Variants in MEAK7 observed in about 807,000 individuals in gnomAD.
MEAK7 encodes the protein MTOR associated protein MEAK7.
MEAK7 carries 68 observed loss-of-function variants against 40.5 expected under a neutral mutation model. The observed-to-expected ratio is 1.68, with a 90% CI of 1.38 to 2.06. MEAK7 has a LOEUF of 2.06. Ranked by LOEUF, MEAK7 falls within the 30% of genes most tolerant of loss-of-function variation. MEAK7 has a pLI of 0.00. For missense variants in MEAK7, 918 were observed against 580.5 expected (o/e 1.58, Z -5.98); for synonymous variants, 338 against 231.9 (o/e 1.46, Z -4.16).
rs980808349 is a variant in MEAK7 at position 84,504,605 on chromosome 16, C to T, written c.-30G>A. The T allele has an allele frequency of 5.1e-6, 5 of 985,590 alleles. No homozygotes were observed. Among genetic ancestry groups the T allele is most frequent in the African/African-American group, 1.7e-5 (1 of 57,258 alleles). The allele number at this position is 985,590 out of a possible 1,614,324, so 61.1% of individuals were successfully genotyped here. ...AACCTCAGCCCAGGTACCTACCCTG[C>T]CGGGCTTCCTGGTGCTGTCCGGTCC... On this transcript the variant is annotated 5_prime_UTR_variant, in exon 1 of 8. Transcript: ENST00000343629.
At chr16:84,498,835 T>C (rs1347938537) in intron 1 of MEAK7, among the ~76,000 whole-genome samples, 1 of 152,212 alleles carries the variant, frequency 6.6e-6, no homozygotes, top group African/African-American at 2.4e-5. Context: ...TAAACTCACC[T>C]TGAGAATACT....
intron 1 of MEAK7, among the ~76,000 whole-genome samples, chr16:84,499,544 A>T (rs1914330752): frequency 1.3e-5 from 2 of 152,174 alleles, no homozygotes; most frequent in Non-Finnish European, 2.9e-5. Context: ...ACATAAAATT[A>T]ACCATTTTAA....
chr16:84,504,068 A>G (rs1597981153), intron 1 of MEAK7: 1 of 985,576 alleles, frequency 1.0e-6, no homozygotes, highest in East Asian at 1.1e-4. Flanking sequence ...AGCCTGGGCA[A>G]GAAGTTCCTG....
At chr16:84,483,388 GCGA>G (rs1281028486) in intron 5 of MEAK7, among the ~76,000 whole-genome samples, 3 of 152,236 alleles carry the variant, frequency 2.0e-5, no homozygotes, top group Non-Finnish European at 4.4e-5. Context: ...GGAGCTCCCA[GCGA>G]GGGACACTTC....
chr16:84,497,463 A>C, intron 2 of MEAK7: 2 of 1,289,922 alleles, frequency 1.6e-6, no homozygotes, highest in Non-Finnish European at 2.0e-6. Flanking sequence ...TGGTTCCTGG[A>C]CCGACGAGTC....
Position 84,477,190 on chromosome 16 carries a change from C to T in MEAK7, c.*2723G>A, listed in dbSNP as rs1008139967. The T allele has an allele frequency of 1.3e-4, 20 of 152,744 alleles. No individual in the cohort carries two copies. The highest frequency in any genetic ancestry group is 4.6e-4 in the African/African-American group (19 of 41,412). The allele number at this position is 152,744 out of a possible 1,614,324, so 9.5% of individuals were successfully genotyped here. ...GATTACAGGCGTGAGCCATCACACCCAGCCTTTTTTTTTTTCTTGAAACGG... is the reference window on the plus strand; with the variant it reads ...GATTACAGGCGTGAGCCATCACACCTAGCCTTTTTTTTTTTCTTGAAACGG... On this transcript the variant is annotated 3_prime_UTR_variant, in exon 8 of 8. Transcript: ENST00000343629.
rs370766233 is a variant in MEAK7, at chr16:84,498,007, A to G, written c.80T>C (p.Leu27Ser). 4 of 1,614,056 alleles carry G rather than the reference A, an allele frequency of 2.5e-6. No homozygotes were observed. Among genetic ancestry groups the G allele is most frequent in the Non-Finnish European group, 3.4e-6 (4 of 1,180,042 alleles). The part of the protein sequence containing the change: ...LPEEQAEIDQ[L>S]FDALSSDKNS... The stretch of plus-strand genomic sequence containing the variant: ...TTTATCTGATGACAGAGCATCAAAC[A>G]ATTGATCAATCTCTGCCTGTTCCTC... Residue 27 changes from leucine to serine, a missense_variant, in exon 2 of 8, where the codon TTG becomes TCG. Coordinates refer to ENST00000343629, the MANE Select transcript of MEAK7 (RefSeq NM_020947.4).
chr16:84,500,983 T>G (rs370383), intron 1 of MEAK7, among the ~76,000 whole-genome samples: 84,290 of 151,234 alleles, frequency 0.56, 24,669 homozygotes, highest in Non-Finnish European at 0.66. Flanking sequence ...TAATCCCAGC[T>G]ACTTGGGAGG....
chr16:84,477,571 C>G lies in MEAK7; in HGVS notation c.*2342G>C, dbSNP rs114000875. On this transcript the variant is annotated 3_prime_UTR_variant, in exon 8 of 8. Transcript: ENST00000343629. ...GGCAATCATTTATAATAGTTTGCAA[C>G]GCGGACAAATTTTTTTTTTAACCCC... The G allele has an allele frequency of 1.3e-5, 2 of 150,578 alleles. No homozygotes were observed. Among genetic ancestry groups the G allele is most frequent in the Admixed American group, 1.3e-4 (2 of 15,076 alleles). The allele number at this position is 150,578 out of a possible 1,614,324, so 9.3% of individuals were successfully genotyped here.
At chr16:84,501,627 G>A (rs930718218) in intron 1 of MEAK7, among the ~76,000 whole-genome samples, 1 of 152,130 alleles carries the variant, frequency 6.6e-6, no homozygotes, top group Non-Finnish European at 1.5e-5. Context: ...GCAGAGCCAG[G>A]CTGGCAACGC....
At position 84,480,638 on chromosome 16, in the gene MEAK7, G is replaced by C. The variant is rs759958302; in HGVS notation, c.1148C>G (p.Ala383Gly). 4 of 1,614,062 alleles carry C rather than the reference G, an allele frequency of 2.5e-6. No individual in the cohort carries two copies. In the East Asian group the frequency reaches 8.9e-5, roughly 36 times the overall value. Residue 383 changes from alanine (A) to glycine (G), a missense_variant, in exon 7 of 8, where the codon GCC becomes GGC. Physicochemically the swap from Ala to Gly is moderately conservative, Grantham distance 60. Coordinates refer to ENST00000343629, the MANE Select transcript of MEAK7 (RefSeq NM_020947.4). ...GTTGTACGTGGTGCACGTGGGCTTG[G>C]CTCTGCTGTGTCCTTTCCCAAAATC... Reference protein sequence around the residue: ...DVDFGKGHSRAKPTCTTYNSP... With the variant: ...DVDFGKGHSRGKPTCTTYNSP...
intron 3 of MEAK7, among the ~76,000 whole-genome samples, chr16:84,490,486 ACAG>A (rs1567497350): frequency 8.6e-6 from 1 of 115,626 alleles, no homozygotes; most frequent in East Asian, 3.1e-4. Context: ...TTTTACCTCA[ACAG>A]CCTGAGTTTG....
intron 7 of MEAK7, 47 bp from the exon 8 acceptor site, chr16:84,480,073 A>T (rs1912388647): frequency 1.4e-6 from 2 of 1,438,318 alleles, no homozygotes; most frequent in African/African-American, 1.4e-5. Flanking sequence ...TGGCCCAACA[A>T]GAGGCAGCAG....
intron 7 of MEAK7, 48 bp downstream of exon 7, chr16:84,480,481 C>G: frequency 6.5e-7 from 1 of 1,528,722 alleles, no homozygotes; most frequent in Non-Finnish European, 8.8e-7. Context: ...CAGAAAGGCC[C>G]CCAGGCTCAA....
At chr16:84,484,764 C>A (rs1199002362) in intron 5 of MEAK7, among the ~76,000 whole-genome samples, 1 of 152,174 alleles carries the variant, frequency 6.6e-6, no homozygotes, top group Non-Finnish European at 1.5e-5. Context: ...AGCACGCTCT[C>A]CGAACTTGAC....
At chr16:84,491,256 G>A (rs991914938) in intron 3 of MEAK7, among the ~76,000 whole-genome samples, 1 of 152,066 alleles carries the variant, frequency 6.6e-6, no homozygotes, top group Non-Finnish European at 1.5e-5. Context: ...TCTGGCCAAC[G>A]TGGTGAAACT....
At chr16:84,502,244 G>A (rs574125638) in intron 1 of MEAK7, among the ~76,000 whole-genome samples, 7 of 152,246 alleles carry the variant, frequency 4.6e-5, no homozygotes, top group African/African-American at 1.7e-4. Flanking sequence ...CGTCCCCCAG[G>A]GGCATTTGGC....
chr16:84,497,299 T>A, intron 2 of MEAK7: 1 of 753,266 alleles, frequency 1.3e-6, no homozygotes, highest in East Asian at 6.6e-5. Flanking sequence ...GAGAGCCCCA[T>A]GGAACGGGGA....
At chr16:84,480,153 TG>T in intron 7 of MEAK7, 127 bp from the exon 8 acceptor site, 1 of 701,166 alleles carries the variant, frequency 1.4e-6, no homozygotes, top group Admixed American at 3.2e-5. Flanking sequence ...CCTCCCACTC[TG>T]GGATTCAGTG....
Sources: gnomAD v4.1 joint callset for allele counts (sites outside exome capture counted in the v4.1 genomes callset) on GRCh38, gnomAD v4.1.1 for gene constraint, MANE v1.5 for transcripts, NCBI Gene and HGNC (gene_info 2026-07-23, HGNC 2026-07-21) for gene names.